The following GPRC5A variants were observed in gnomAD, a reference collection of about 807,000 sequenced individuals.
GPRC5A encodes G protein-coupled receptor class C group 5 member A, also known as retinoic acid-induced protein 3.
Under a neutral mutation model 22.5 loss-of-function variants are expected in GPRC5A, and 19 were observed. The ratio of observed to expected loss-of-function variants is 0.85; its 90% CI spans 0.59 to 1.24. The LOEUF (loss-of-function observed/expected upper bound fraction) is 1.24. Ranked by LOEUF, GPRC5A falls within the 50% of genes most tolerant of loss-of-function variation. The probability of loss-of-function intolerance (pLI) is 0.00; values close to 1 mark genes in which losing one functional copy is unlikely to be tolerated. For missense variants in GPRC5A, 471 were observed against 451.1 expected (o/e 1.04, Z -0.40); for synonymous variants, 192 against 184.5 (o/e 1.04, Z -0.33).
chr12:12,909,026 T>A lies in GPRC5A; in HGVS notation c.777T>A (p.Ala259=). 1 of 1,613,476 alleles carries A rather than the reference T, an allele frequency of 6.2e-7. No homozygotes were observed. The highest frequency in any genetic ancestry group is 8.5e-7 in the Non-Finnish European group (1 of 1,180,008). The change falls in exon 2 of 4, where the codon GCT becomes GCA. Residue 259 remains alanine, a synonymous_variant. Coordinates refer to ENST00000014914, the MANE Select transcript of GPRC5A (RefSeq NM_003979.4). Reference sequence around the variant, plus strand: ...CCAATGGCTGGGTGTTCCTGTTGGCTTATGTTAGTCCCGAGTTTTGGCTGC... The same window carrying A: ...CCAATGGCTGGGTGTTCCTGTTGGCATATGTTAGTCCCGAGTTTTGGCTGC... ...LAANGWVFLL[A]YVSPEFWLLT... is the part of the protein sequence containing the mutation.
intron 1 of GPRC5A, among the ~76,000 whole-genome samples, chr12:12,896,559 T>G (rs1863824725): frequency 6.6e-6 from 1 of 152,184 alleles, no homozygotes; most frequent in Non-Finnish European, 1.5e-5. Flanking sequence ...TCAGCACATA[T>G]TCATCTCCAA....
Position 12,917,745 on chromosome 12 carries a change from AAGG to A in GPRC5A, c.*5210_*5212del, listed in dbSNP as rs1208195007. ...GGCTTCCTGGGACAGAAGGCCTTCA[AAGG>A]AGGGATTGCAAAGCAAGGCAAAGCG... On this transcript the variant is annotated 3_prime_UTR_variant, in exon 4 of 4. Coordinates refer to ENST00000014914, the MANE Select transcript of GPRC5A (RefSeq NM_003979.4). 8 of 152,158 alleles carry A rather than the reference AAGG, an allele frequency of 5.3e-5. No individual in the cohort carries two copies. Among genetic ancestry groups the A allele is most frequent in the African/African-American group, 1.9e-4 (8 of 41,428 alleles). The allele number at this position is 152,158 out of a possible 1,614,324, so 9.4% of individuals were successfully genotyped here.
chr12:12,902,494 G>A (rs75477394), intron 1 of GPRC5A, among the ~76,000 whole-genome samples: 6,600 of 152,106 alleles, frequency 0.043, 290 homozygotes, highest in African/African-American at 0.11. Context: ...TGGACATGGG[G>A]GCTCACACCT....
intron 1 of GPRC5A, among the ~76,000 whole-genome samples, chr12:12,905,374 C>T (rs1863930609): frequency 6.6e-6 from 1 of 152,136 alleles, no homozygotes; most frequent in African/African-American, 2.4e-5. Flanking sequence ...ACTCTGGCCT[C>T]TTTCCTGCTG....
At position 12,913,049 on chromosome 12, in the gene GPRC5A, G is replaced by A. The variant is rs1864024088; in HGVS notation, c.*510G>A. ...AGGTCTGGTCATCTGAGCTCACGCTGGCTCACACAGCTCTAGGGGCCTGCT... is the reference window on the plus strand; with the variant it reads ...AGGTCTGGTCATCTGAGCTCACGCTAGCTCACACAGCTCTAGGGGCCTGCT... On this transcript the variant is annotated 3_prime_UTR_variant, in exon 4 of 4. Coordinates refer to ENST00000014914, the MANE Select transcript of GPRC5A (RefSeq NM_003979.4). 1 of 154,246 alleles carries A rather than the reference G, an allele frequency of 6.5e-6. No individual in the cohort carries two copies. The highest frequency in any genetic ancestry group is 1.4e-5 in the Non-Finnish European group (1 of 69,252). The allele number at this position is 154,246 out of a possible 1,614,324, so 9.6% of individuals were successfully genotyped here.
In GPRC5A at chr12:12,912,606, G is replaced by T; in HGVS notation, c.*67G>T. 2.2e-6 allele frequency: 2 copies of T among 928,074 alleles called. No individual in the cohort carries two copies. The highest frequency in any genetic ancestry group is 1.7e-5 in the Admixed American group (1 of 57,300). The allele number at this position is 928,074 out of a possible 1,614,324, so 57.5% of individuals were successfully genotyped here. On this transcript the variant is annotated 3_prime_UTR_variant, in exon 4 of 4. Coordinates refer to ENST00000014914, the MANE Select transcript of GPRC5A (RefSeq NM_003979.4). ...TCTAGCGGGAGCTCAAAGGGATGTG[G>T]GCGAAATCTTGAGTCTTCTGAGAAA...
rs1360489055 is a variant in GPRC5A, at chr12:12,915,783, T to G, written c.*3244T>G. 3 of 477,160 alleles carry G rather than the reference T, an allele frequency of 6.3e-6. No individual in the cohort carries two copies. The highest frequency in any genetic ancestry group is 1.3e-5 in the Non-Finnish European group (3 of 227,826). 29.6% of individuals were successfully genotyped at this position (477,160 alleles called of 1,614,324 possible). On this transcript the variant is annotated 3_prime_UTR_variant, in exon 4 of 4. Coordinates refer to ENST00000014914, the MANE Select transcript of GPRC5A (RefSeq NM_003979.4). ...GGGATACCGTGGCCTCTGAAAGTGC[T>G]GGGATTACAGGCATGAGCCACCGCG...
chr12:12,898,686 T>G (rs1056969028), intron 1 of GPRC5A, among the ~76,000 whole-genome samples: 6 of 152,212 alleles, frequency 3.9e-5, no homozygotes, highest in African/African-American at 1.4e-4. Flanking sequence ...TTAGCATCTC[T>G]CCTTTCAAGC....
chr12:12,895,600 G>C (rs11832826), intron 1 of GPRC5A, among the ~76,000 whole-genome samples: 2,371 of 151,686 alleles, frequency 0.016, 67 homozygotes, highest in African/African-American at 0.054. Context: ...GTTTAGCTTT[G>C]AACTTGTTGG....
intron 1 of GPRC5A, among the ~76,000 whole-genome samples, chr12:12,907,735 G>A (rs1007177924): frequency 1.4e-4 from 22 of 152,158 alleles, no homozygotes; most frequent in Admixed American, 9.2e-4. Flanking sequence ...GGACTCCAGC[G>A]ATATTCCCAC....
chr12:12,902,244 C>T (rs538691041), intron 1 of GPRC5A, among the ~76,000 whole-genome samples: 14 of 152,084 alleles, frequency 9.2e-5, no homozygotes, highest in African/African-American at 3.1e-4. Context: ...TGAGCAATCC[C>T]TATCAGCTTA....
Position 12,912,834 on chromosome 12 carries a change from T to C in GPRC5A, c.*295T>C. ...TTTAGACCCTTACTCTTTTTGTTTGTTTTTTGAAACAGGATCTTGCTCTGT... is the reference window on the plus strand; with the variant it reads ...TTTAGACCCTTACTCTTTTTGTTTGCTTTTTGAAACAGGATCTTGCTCTGT... On this transcript the variant is annotated 3_prime_UTR_variant, in exon 4 of 4. Transcript: ENST00000014914. 3.0e-6 allele frequency: 1 copy of C among 334,754 alleles called. No homozygotes were observed. Among genetic ancestry groups the C allele is most frequent in the South Asian group, 7.4e-5 (1 of 13,586 alleles). 20.7% of individuals were successfully genotyped at this position (334,754 alleles called of 1,614,324 possible).
Position 12,912,902 on chromosome 12 carries a change from G to A in GPRC5A, c.*363G>A, listed in dbSNP as rs192688455. ...AGTGGTGCGATCACAGCCCAGTGCA[G>A]CCTCGACCACCTGTGCTCAAGCAAT... On this transcript the variant is annotated 3_prime_UTR_variant, in exon 4 of 4. Coordinates refer to ENST00000014914, the MANE Select transcript of GPRC5A (RefSeq NM_003979.4). The A allele has an allele frequency of 4.1e-5, 8 of 194,088 alleles. No homozygotes were observed. The highest frequency in any genetic ancestry group is 7.3e-5 in the Non-Finnish European group (7 of 95,552). 12.0% of individuals were successfully genotyped at this position (194,088 alleles called of 1,614,324 possible).
intron 1 of GPRC5A, among the ~76,000 whole-genome samples, chr12:12,907,416 G>A (rs201749620): frequency 1.8e-4 from 18 of 100,450 alleles, no homozygotes; most frequent in South Asian, 7.6e-4. Flanking sequence ...AAAAAAAAAA[G>A]AGAGAGAAAG....
chr12:12,894,221 G>A (rs11055133), intron 1 of GPRC5A, among the ~76,000 whole-genome samples: 64,441 of 152,052 alleles, frequency 0.42, 15,729 homozygotes, highest in Non-Finnish European at 0.54. Flanking sequence ...TGAATTATAT[G>A]ATTAGTAATG....
Position 12,917,530 on chromosome 12 carries a change from A to C in GPRC5A, c.*4991A>C, listed in dbSNP as rs1177843743. The C allele has an allele frequency of 6.6e-6, 1 of 151,582 alleles. No individual in the cohort carries two copies. Among genetic ancestry groups the C allele is most frequent in the Non-Finnish European group, 1.5e-5 (1 of 67,844 alleles). 9.4% of individuals were successfully genotyped at this position (151,582 alleles called of 1,614,324 possible). ...TCCCAGAGAAGTCTTTGAGTAGAGA[A>C]TCCTACTCAAATTTCACTGTATATT... On this transcript the variant is annotated 3_prime_UTR_variant, in exon 4 of 4. Coordinates refer to ENST00000014914, the MANE Select transcript of GPRC5A (RefSeq NM_003979.4).
chr12:12,912,475 T>C lies in GPRC5A; in HGVS notation c.1010T>C (p.Ile337Thr). 1 of 1,612,666 alleles carries C rather than the reference T, an allele frequency of 6.2e-7. No homozygotes were observed. Residue 337 changes from isoleucine (I) to threonine (T), a missense_variant, in exon 4 of 4, where the codon ATC (isoleucine) becomes ACC (threonine). By Grantham distance (89) the Ile-to-Thr change is moderately conservative. Coordinates refer to ENST00000014914, the MANE Select transcript of GPRC5A (RefSeq NM_003979.4). Reference protein sequence around the residue: ...QNQPPQKEFSIPRAHAWPSPY... With the variant: ...QNQPPQKEFSTPRAHAWPSPY... ...CAGCCTCCCCAAAAGGAATTCTCCATCCCACGGGCCCACGCTTGGCCGAGC... is the reference window on the plus strand; with the variant it reads ...CAGCCTCCCCAAAAGGAATTCTCCACCCCACGGGCCCACGCTTGGCCGAGC...
intron 1 of GPRC5A, among the ~76,000 whole-genome samples, chr12:12,892,665 C>T (rs994144275): frequency 2.6e-4 from 40 of 152,274 alleles, no homozygotes; most frequent in African/African-American, 9.4e-4. Flanking sequence ...CCGCGCCCGG[C>T]CACAGATAGC....
chr12:12,900,689 G>A (rs573248330), intron 1 of GPRC5A, among the ~76,000 whole-genome samples: 2 of 151,810 alleles, frequency 1.3e-5, no homozygotes, highest in South Asian at 2.1e-4. Flanking sequence ...TCGGGAGGTC[G>A]AGACCAGCCT....
Sources: gnomAD v4.1 joint callset for allele counts (sites outside exome capture counted in the v4.1 genomes callset) on GRCh38, gnomAD v4.1.1 for gene constraint, MANE v1.5 for transcripts, NCBI Gene and HGNC (gene_info 2026-07-23, HGNC 2026-07-21) for gene names.